Variants in SIM1 observed in about 807,000 individuals in gnomAD.
The protein encoded by SIM1 is single-minded homolog 1.
SIM1 carries 18 observed loss-of-function variants against 78.2 expected under a neutral mutation model. The observed-to-expected ratio is 0.23, with a 90% confidence interval of 0.16 to 0.34. The LOEUF (loss-of-function observed/expected upper bound fraction) is 0.34. Among genes scored for constraint, SIM1 ranks in the 10% least tolerant of loss-of-function variants. The probability of loss-of-function intolerance (pLI) is 1.00; values close to 1 mark genes in which losing one functional copy is unlikely to be tolerated. For synonymous variants in SIM1, 417 were observed against 385.2 expected (o/e 1.08, Z -0.97); for missense variants, 939 against 975.1 (o/e 0.96, Z 0.49).
chr6:100,414,077 T>C (rs1324096569), intron 10 of SIM1, among the ~76,000 whole-genome samples: 1 of 152,208 alleles, frequency 6.6e-6, no homozygotes, highest in Non-Finnish European at 1.5e-5. Context: ...TTTGGGGTTA[T>C]AAGGAAGTTA....
chr6:100,424,365 C>T (rs1010942657), intron 9 of SIM1, among the ~76,000 whole-genome samples: 1 of 151,930 alleles, frequency 6.6e-6, no homozygotes, highest in Admixed American at 6.6e-5. Flanking sequence ...TTAAGCTAAC[C>T]TCTGCTTCTA....
chr6:100,409,596 T>TCTTTAC lies in SIM1; in HGVS notation c.1167+11188_1167+11193dup, dbSNP rs1771141413. The stretch of plus-strand genomic sequence containing the variant: ...TCTGCTAAACTTCAGTCTAATTTGT[T>TCTTTAC]CTTTACCTTATAGTTCCTTTAGGTG... On this transcript the variant is annotated intron_variant, in intron 10 of 11. Transcript: ENST00000369208. Among the ~76,000 whole-genome samples, 5 of 152,264 alleles carry TCTTTAC rather than the reference T, an allele frequency of 3.3e-5. No homozygotes were observed. In the South Asian group the frequency reaches 8.3e-4, roughly 25 times the overall value.
chr6:100,442,079 C>T (rs1285347181), intron 9 of SIM1, among the ~76,000 whole-genome samples: 2 of 152,128 alleles, frequency 1.3e-5, no homozygotes, highest in Non-Finnish European at 2.9e-5. Flanking sequence ...AAGCAATCTC[C>T]GACCCAACCA....
intron 10 of SIM1, among the ~76,000 whole-genome samples, chr6:100,415,580 A>G (rs1193365662): frequency 6.6e-6 from 1 of 152,194 alleles, no homozygotes; most frequent in Non-Finnish European, 1.5e-5. Context: ...TGAGTCATTC[A>G]TTAAGTGGCC....
At chr6:100,437,678 G>A (rs1772092613) in intron 9 of SIM1, among the ~76,000 whole-genome samples, 1 of 152,194 alleles carries the variant, frequency 6.6e-6, no homozygotes. Context: ...CTGGCACGAA[G>A]AAGGTGCTCC....
At chr6:100,458,036 C>A (rs1163927599) in intron 2 of SIM1, among the ~76,000 whole-genome samples, 1 of 91,902 alleles carries the variant, frequency 1.1e-5, no homozygotes, top group Non-Finnish European at 2.5e-5. Flanking sequence ...CTCTCTCTCT[C>A]TCTCTCTCTC....
At position 100,390,504 on chromosome 6, in the gene SIM1, G is replaced by A; in HGVS notation, c.2158C>T (p.His720Tyr). ...CTAATGGTTTCGCTGTCATATAAGT[G>A]CTCCAGGGCATATCCAGTTAATGTG... ...AYTLTGYALE[H>Y]LYDSETIRNY... is the part of the protein sequence containing the mutation. Residue 720 changes from histidine (H) to tyrosine (Y), a missense_variant, in exon 12 of 12, where the codon CAC (histidine) becomes TAC (tyrosine). His to Tyr is a moderately conservative substitution (Grantham distance 83, BLOSUM62 2). This residue lies in a region of SIM1 where 556 missense variants were observed against 521.9 expected (regional missense o/e 1.07). Coordinates refer to ENST00000369208, the MANE Select transcript of SIM1 (RefSeq NM_005068.3). The A allele has an allele frequency of 6.2e-7, 1 of 1,614,132 alleles. No homozygotes were observed. The highest frequency in any genetic ancestry group is 8.5e-7 in the Non-Finnish European group (1 of 1,180,036).
rs549380611 is a variant in SIM1, at chr6:100,430,775, A to G, written c.999-9817T>C. ...CCTTATATTTGGTTGAGGTTCTGTT[A>G]TCACAGAAACAGCTTTCCTATCTAG... On this transcript the variant is annotated intron_variant, in intron 9 of 11. Coordinates refer to ENST00000369208, the MANE Select transcript of SIM1 (RefSeq NM_005068.3). Among the ~76,000 whole-genome samples, 5 of 152,310 alleles carry G rather than the reference A, an allele frequency of 3.3e-5. No individual in the cohort carries two copies. In the South Asian group the frequency reaches 1.0e-3, roughly 32 times the overall value.
intron 10 of SIM1, among the ~76,000 whole-genome samples, chr6:100,403,329 A>G (rs1770975616): frequency 6.6e-6 from 1 of 152,214 alleles, no homozygotes; most frequent in Non-Finnish European, 1.5e-5. Context: ...TCTCCCCTGG[A>G]ATTCAGCTTA....
intron 10 of SIM1, among the ~76,000 whole-genome samples, chr6:100,412,585 AAGAAAG>A (rs760156041): frequency 0.013 from 1,554 of 118,194 alleles, 134 homozygotes; most frequent in Non-Finnish European, 0.02. Context: ...GAAAGAAAGA[AAGAAAG>A]AAAGAAAGAA....
At chr6:100,400,269 G>C (rs1582608245) in intron 10 of SIM1, among the ~76,000 whole-genome samples, 1 of 151,874 alleles carries the variant, frequency 6.6e-6, no homozygotes, top group East Asian at 1.9e-4. Context: ...TAAATTGTAT[G>C]GCTATATATC....
chr6:100,435,475 C>G (rs898439386), intron 9 of SIM1, among the ~76,000 whole-genome samples: 11 of 152,094 alleles, frequency 7.2e-5, no homozygotes, highest in African/African-American at 2.2e-4. Context: ...CTTCTCTGGC[C>G]TCTCACACAA....
chr6:100,396,165 CT>C, intron 10 of SIM1: 2 of 664,374 alleles, frequency 3.0e-6, no homozygotes, highest in Non-Finnish European at 3.7e-6. Flanking sequence ...GCTTCCTCAC[CT>C]TACTGAGTGG....
chr6:100,422,635 A>C (rs1771623323), intron 9 of SIM1, among the ~76,000 whole-genome samples: 1 of 152,302 alleles, frequency 6.6e-6, no homozygotes, highest in South Asian at 2.1e-4. Context: ...AAAAGCAAAA[A>C]TATAATTCAG....
intron 9 of SIM1, among the ~76,000 whole-genome samples, chr6:100,443,029 G>T (rs1772254684): frequency 6.6e-6 from 1 of 152,032 alleles, no homozygotes; most frequent in African/African-American, 2.4e-5. Context: ...ACAACAAAAA[G>T]TATAGGATCT....
Position 100,390,591 on chromosome 6 carries a change from G to A in SIM1, c.2071C>T (p.His691Tyr), listed in dbSNP as rs1770611998. 1.2e-6 allele frequency: 2 copies of A among 1,613,982 alleles called. No individual in the cohort carries two copies. Among genetic ancestry groups the A allele is most frequent in the African/African-American group, 2.7e-5 (2 of 74,904 alleles). ...DISPHQTAGDHPTVSPNCFGS... is the reference protein window; with the variant it reads ...DISPHQTAGDYPTVSPNCFGS... ...AAGCAGTTTGGAGAGACAGTAGGGT[G>A]GTCTCCTGCTGTCTGATGAGGAGAT... The change falls in exon 12 of 12, where the codon CAC becomes TAC. Residue 691 changes from histidine (H) to tyrosine (Y), a missense_variant. By Grantham distance (83) the His-to-Tyr change is moderately conservative. Around this residue, in one of 5 missense-constraint regions of SIM1, gnomAD observed 556 missense variants for 521.9 expected, o/e 1.07. Coordinates refer to ENST00000369208, the MANE Select transcript of SIM1 (RefSeq NM_005068.3).
At chr6:100,450,638 A>G (rs529244176) in intron 3 of SIM1, among the ~76,000 whole-genome samples, 1 of 151,558 alleles carries the variant, frequency 6.6e-6, no homozygotes, top group African/African-American at 2.4e-5. Context: ...AAACAAGGAA[A>G]ATACATCCAT....
chr6:100,440,028 AT>A (rs1772166886), intron 9 of SIM1, among the ~76,000 whole-genome samples: 1 of 152,188 alleles, frequency 6.6e-6, no homozygotes, highest in African/African-American at 2.4e-5. Context: ...GGATTTGAGG[AT>A]ACAGAAAGTC....
In SIM1 at chr6:100,405,492, C is replaced by T. The variant is rs535005838; in HGVS notation, c.1168-11603G>A. Among the ~76,000 whole-genome samples, 5 of 152,204 alleles carry T rather than the reference C, an allele frequency of 3.3e-5. No individual in the cohort carries two copies. In the South Asian group the frequency reaches 8.3e-4, roughly 25 times the overall value. On this transcript the variant is annotated intron_variant, in intron 10 of 11. Coordinates refer to ENST00000369208, the MANE Select transcript of SIM1 (RefSeq NM_005068.3). ...AAACCAATTTTAAAGTATTTATTCA[C>T]AAGATTTCCCCCCATTATTTTATAA...
Sources: gnomAD v4.1 joint callset for allele counts (sites outside exome capture counted in the v4.1 genomes callset) on GRCh38, gnomAD v4.1.1 for gene constraint, gnomAD v4.1.1 regional missense constraint, MANE v1.5 for transcripts, NCBI Gene and HGNC (gene_info 2026-07-23, HGNC 2026-07-21) for gene names.